BCL2: variants seen among roughly 807,000 people sequenced by gnomAD.
BCL2 encodes BCL2 apoptosis regulator, also known as apoptosis regulator Bcl-2.
BCL2 carries 1 observed loss-of-function variant against 14.2 expected under a neutral mutation model. That is an observed-to-expected ratio of 0.07 (90% CI 0.02 to 0.33). BCL2 has a LOEUF of 0.33. Ranked by LOEUF, BCL2 falls within the 10% of genes least tolerant of loss-of-function variation. BCL2 has a pLI of 0.99. For missense variants in BCL2, 247 were observed against 305.9 expected (o/e 0.81, Z 1.44); for synonymous variants, 151 against 137.2 (o/e 1.10, Z -0.70).
At position 63,318,219 on chromosome 18, in the gene BCL2, A is replaced by G. The variant is rs780880487; in HGVS notation, c.448T>C (p.Phe150Leu). 1 of 1,614,166 alleles carries G rather than the reference A, an allele frequency of 6.2e-7. No individual in the cohort carries two copies. The part of the protein sequence containing the change: ...DGVNWGRIVA[F>L]FEFGGVMCVE... ...CACATGACCCCACCGAACTCAAAGAAGGCCACAATCCTCCCCCAGTTCACC... is the reference window on the plus strand; with the variant it reads ...CACATGACCCCACCGAACTCAAAGAGGGCCACAATCCTCCCCCAGTTCACC... Residue 150 changes from phenylalanine to leucine, a missense_variant, in exon 2 of 3, where the codon TTC (phenylalanine) becomes CTC (leucine). Coordinates refer to ENST00000333681, the MANE Select transcript of BCL2 (RefSeq NM_000633.3). The surrounding 1 kb of genome is among the most constrained non-coding windows in gnomAD (Gnocchi z 7.4).
intron 2 of BCL2, among the ~76,000 whole-genome samples, chr18:63,256,616 C>T (rs1040996127): frequency 1.3e-5 from 2 of 152,126 alleles, no homozygotes; most frequent in Non-Finnish European, 2.9e-5. Flanking sequence ...AATTCATGCC[C>T]AACACAGCAC....
At position 63,128,597 on chromosome 18, in the gene BCL2, A is replaced by G. The variant is rs1342113637; in HGVS notation, c.*28T>C. On this transcript the variant is annotated 3_prime_UTR_variant, in exon 3 of 3. Transcript: ENST00000333681. ...TCTACTGCTTTAGTGAACCTTTTGCATATTTGTTTGGGGCAGGCATGTTGA... is the reference window on the plus strand; with the variant it reads ...TCTACTGCTTTAGTGAACCTTTTGCGTATTTGTTTGGGGCAGGCATGTTGA... 4 of 778,248 alleles carry G rather than the reference A, an allele frequency of 5.1e-6. No homozygotes were observed. The highest frequency in any genetic ancestry group is 4.0e-5 in the South Asian group (3 of 74,376). The allele number at this position is 778,248 out of a possible 1,614,324, so 48.2% of individuals were successfully genotyped here.
chr18:63,238,066 C>T (rs960124292), intron 2 of BCL2, among the ~76,000 whole-genome samples: 2 of 151,934 alleles, frequency 1.3e-5, no homozygotes, highest in South Asian at 2.1e-4. Context: ...CTTTCTTATT[C>T]GGTTCAACAT....
At chr18:63,282,043 C>T (rs1379746530) in intron 2 of BCL2, among the ~76,000 whole-genome samples, 1 of 152,230 alleles carries the variant, frequency 6.6e-6, no homozygotes, top group East Asian at 1.9e-4. Context: ...ATAGTAGGAG[C>T]TAATACTATC....
intron 2 of BCL2, among the ~76,000 whole-genome samples, chr18:63,271,625 AT>A (rs1268888770): frequency 1.3e-5 from 2 of 152,156 alleles, no homozygotes; most frequent in East Asian, 3.9e-4. Flanking sequence ...TCCAATCCCC[AT>A]CCCACTTTCT....
rs192463919 is a variant in BCL2, at chr18:63,201,561, C to T, written c.586-72802G>A. Among the ~76,000 whole-genome samples, 22 of 152,174 alleles carry T rather than the reference C, an allele frequency of 1.4e-4. No individual in the cohort carries two copies. In the East Asian group the frequency reaches 2.1e-3, roughly 15 times the overall value. ...GTTGTGGCACTATTCACAATAGCGA[C>T]GACTTGGAACCAACCCAAATGTCCA... is the stretch of plus-strand genomic sequence containing the variant. On this transcript the variant is annotated intron_variant, in intron 2 of 2. Coordinates refer to ENST00000333681, the MANE Select transcript of BCL2 (RefSeq NM_000633.3).
At chr18:63,319,978 C>G (rs1913649172), upstream of BCL2, 2 of 153,490 alleles carry the variant, frequency 1.3e-5, no homozygotes, top group African/African-American at 4.8e-5. Context: ...CCGCGCAGCC[C>G]GCTCCGAGCG....
At chr18:63,313,756 A>C (rs778147392) in intron 2 of BCL2, 2 of 152,152 alleles carry the variant, frequency 1.3e-5, no homozygotes, top group East Asian at 3.9e-4. Context: ...ATCCCTCCAA[A>C]TAGCGCAATA....
intron 2 of BCL2, among the ~76,000 whole-genome samples, chr18:63,145,092 A>G (rs1914473341): frequency 6.6e-6 from 1 of 152,352 alleles, no homozygotes; most frequent in Middle Eastern, 3.4e-3. Context: ...GGGCTGCTTC[A>G]CAGGGAATTC....
chr18:63,281,694 A>AAGAAAGAG (rs1912316117), intron 2 of BCL2, among the ~76,000 whole-genome samples: 2 of 145,334 alleles, frequency 1.4e-5, no homozygotes, highest in South Asian at 2.3e-4. Flanking sequence ...GAAAGAAAGA[A>AAGAAAGAG]AGAAAGAAAG....
intron 2 of BCL2, among the ~76,000 whole-genome samples, chr18:63,276,871 A>G (rs899968599): frequency 2.0e-5 from 3 of 152,206 alleles, no homozygotes; most frequent in Admixed American, 6.5e-5. Flanking sequence ...TTTCTATTAC[A>G]GTTAAGGCAT....
At chr18:63,186,178 T>C (rs1408509949) in intron 2 of BCL2, among the ~76,000 whole-genome samples, 1 of 152,192 alleles carries the variant, frequency 6.6e-6, no homozygotes, top group Non-Finnish European at 1.5e-5. Context: ...AGCACTTGCT[T>C]TTCTCTGTGC....
At position 63,126,464 on chromosome 18, in the gene BCL2, C is replaced by CA. The variant is rs1483825580; in HGVS notation, c.*2160dup. 4.4e-6 allele frequency: 1 copy of CA among 227,756 alleles called. No individual in the cohort carries two copies. The highest frequency in any genetic ancestry group is 1.8e-4 in the South Asian group (1 of 5,472). 14.1% of individuals were successfully genotyped at this position (227,756 alleles called of 1,614,324 possible). A position where few individuals can be genotyped will look rare whatever the true frequency, so the allele number is the denominator to read the frequency against. On this transcript the variant is annotated 3_prime_UTR_variant, in exon 3 of 3. Coordinates refer to ENST00000333681, the MANE Select transcript of BCL2 (RefSeq NM_000633.3). ...ACTGAATGAATCTCATGGGTTTAAC[C>CA]AAACATGCATGTAATCCTGAATACC...
intron 2 of BCL2, among the ~76,000 whole-genome samples, chr18:63,197,873 T>C (rs1054182074): frequency 5.3e-5 from 8 of 151,636 alleles, no homozygotes; most frequent in South Asian, 2.1e-4. Context: ...GAGTGGAGAG[T>C]AGAAAAGAAA....
chr18:63,290,353 T>C (rs1326640916), intron 2 of BCL2, among the ~76,000 whole-genome samples: 1 of 151,468 alleles, frequency 6.6e-6, no homozygotes, highest in African/African-American at 2.4e-5. Flanking sequence ...GCTGTGGGGA[T>C]GAAAAAGGTC....
At chr18:63,206,231 T>C (rs2144668853) in intron 2 of BCL2, among the ~76,000 whole-genome samples, 1 of 152,316 alleles carries the variant, frequency 6.6e-6, no homozygotes, top group Admixed American at 6.5e-5. Flanking sequence ...ACCACACAGC[T>C]TGGGGACCAT....
At chr18:63,306,017 G>T (rs1451354795) in intron 2 of BCL2, among the ~76,000 whole-genome samples, 1 of 152,214 alleles carries the variant, frequency 6.6e-6, no homozygotes, top group Non-Finnish European at 1.5e-5. Context: ...CGAGGCAGCA[G>T]TGAACCGATA....
intron 2 of BCL2, among the ~76,000 whole-genome samples, chr18:63,292,687 G>T (rs778662790): frequency 1.2e-4 from 18 of 152,246 alleles, no homozygotes; most frequent in Non-Finnish European, 2.5e-4. Context: ...CTTCAGCCAT[G>T]ACACATCGTA....
intron 2 of BCL2, among the ~76,000 whole-genome samples, chr18:63,189,443 T>C (rs1468524672): frequency 6.6e-6 from 1 of 152,172 alleles, no homozygotes; most frequent in African/African-American, 2.4e-5. Flanking sequence ...AGGTTAGGTA[T>C]ATCAAGTTCC....
Sources: gnomAD v4.1 joint callset for allele counts (sites outside exome capture counted in the v4.1 genomes callset) on GRCh38, gnomAD v4.1.1 for gene constraint, Gnocchi (gnomAD v3.1) non-coding constraint, MANE v1.5 for transcripts, NCBI Gene and HGNC (gene_info 2026-07-23, HGNC 2026-07-21) for gene names.